Variants in SNTG1 observed in about 807,000 individuals in gnomAD.
The protein encoded by SNTG1 is gamma-1-syntrophin.
A neutral mutation model predicts 74.7 loss-of-function variants in SNTG1; 39 were observed. That is an observed-to-expected ratio of 0.52 (90% CI 0.40 to 0.68). The LOEUF is 0.68. Among genes scored for constraint, SNTG1 ranks in the 30% least tolerant of loss-of-function variants. The pLI is 0.00. For missense variants in SNTG1, 685 were observed against 609.5 expected, an observed-to-expected ratio of 1.12 and a Z score of -1.30; for synonymous variants, 254 against 217.1, an observed-to-expected ratio of 1.17 and a Z score of -1.49.
chr8:50,191,946 C>A (rs2083593561), intron 2 of SNTG1, among the ~76,000 whole-genome samples: 1 of 152,054 alleles, frequency 6.6e-6, no homozygotes, highest in African/African-American at 2.4e-5. Flanking sequence ...AGAAAAATAG[C>A]TGGGGCCTAA....
chr8:50,339,931 C>G (rs2091270606), intron 2 of SNTG1, among the ~76,000 whole-genome samples: 1 of 151,612 alleles, frequency 6.6e-6, no homozygotes. Flanking sequence ...TACAAGAAAT[C>G]CACTTTAAAT....
At chr8:50,017,594 A>G (rs1816442280) in intron 1 of SNTG1, among the ~76,000 whole-genome samples, 1 of 152,060 alleles carries the variant, frequency 6.6e-6, no homozygotes, top group South Asian at 2.1e-4. Context: ...ACAAGGCAAG[A>G]TTGAATCAAG....
rs1587774252 is a variant in SNTG1 at position 50,484,112 on chromosome 8, C to CTTTCTTTCTTTT, written c.364-18655_364-18654insTTTTCTTTCTTT. On this transcript the variant is annotated intron_variant, in intron 8 of 18. Coordinates refer to ENST00000642720, the MANE Select transcript of SNTG1 (RefSeq NM_018967.5). ...TCTCTCTTTCTTTCTCTCTTTCTTT[C>CTTTCTTTCTTTT]TTTCTTTCTTTCTTTCTTTCTTTCC... Among the ~76,000 whole-genome samples the CTTTCTTTCTTTT allele has an allele frequency of 2.8e-5, 3 of 107,256 alleles. No homozygotes were observed. The East Asian group carries it at 8.7e-4, about 31-fold the overall frequency. The allele number at this position is 107,256 out of a possible 152,430, so 70.4% of individuals were successfully genotyped here. A position where few individuals can be genotyped will look rare whatever the true frequency, so the allele number is the denominator to read the frequency against.
At chr8:50,064,497 A>AC (rs548333141) in intron 1 of SNTG1, among the ~76,000 whole-genome samples, 42 of 152,230 alleles carry the variant, frequency 2.8e-4, no homozygotes, top group African/African-American at 9.9e-4. Context: ...TTGCACTTCC[A>AC]CCACACCACA....
chr8:49,979,263 G>A (rs1164362389), intron 1 of SNTG1, among the ~76,000 whole-genome samples: 1 of 152,134 alleles, frequency 6.6e-6, no homozygotes, highest in Non-Finnish European at 1.5e-5. Context: ...TGTCCTCCTC[G>A]GGGACTGCAT....
At chr8:50,373,392 C>A (rs2092312005) in intron 2 of SNTG1, among the ~76,000 whole-genome samples, 1 of 152,124 alleles carries the variant, frequency 6.6e-6, no homozygotes, top group Non-Finnish European at 1.5e-5. Context: ...AGGATTTTTT[C>A]AAACAGCTCT....
chr8:50,707,171 CTAATT>C (rs1205769836), intron 16 of SNTG1, among the ~76,000 whole-genome samples: 1 of 151,882 alleles, frequency 6.6e-6, no homozygotes, highest in African/African-American at 2.4e-5. Context: ...TTGAGAAAAT[CTAATT>C]TAATTTGTAA....
chr8:50,239,762 C>T (rs2086085704), intron 2 of SNTG1, among the ~76,000 whole-genome samples: 1 of 152,136 alleles, frequency 6.6e-6, no homozygotes, highest in Non-Finnish European at 1.5e-5. Flanking sequence ...TTTGTTTGTT[C>T]CTTTAATTAT....
chr8:50,086,959 A>G (rs190105348), intron 1 of SNTG1, among the ~76,000 whole-genome samples: 1 of 152,182 alleles, frequency 6.6e-6, no homozygotes, highest in Admixed American at 6.6e-5. Context: ...CTTTTTGAAG[A>G]TCAGCATGTA....
intron 15 of SNTG1, among the ~76,000 whole-genome samples, chr8:50,703,276 AT>A (rs1007442998): frequency 2.0e-5 from 3 of 151,554 alleles, no homozygotes; most frequent in African/African-American, 7.3e-5. Context: ...TATTCTCTAC[AT>A]TTTTTTTCTA....
intron 2 of SNTG1, among the ~76,000 whole-genome samples, chr8:50,365,147 G>A (rs1191434161): frequency 6.6e-6 from 1 of 152,016 alleles, no homozygotes; most frequent in East Asian, 1.9e-4. Context: ...GCTTCTATAT[G>A]AGTAGTCAGA....
chr8:50,756,984 T>A (rs2095582188), intron 18 of SNTG1, among the ~76,000 whole-genome samples: 1 of 151,794 alleles, frequency 6.6e-6, no homozygotes. Flanking sequence ...ATGTATTTAA[T>A]TAGCTTTATA....
At chr8:50,212,722 A>G (rs998628735) in intron 2 of SNTG1, among the ~76,000 whole-genome samples, 5 of 152,192 alleles carry the variant, frequency 3.3e-5, no homozygotes, top group African/African-American at 1.2e-4. Flanking sequence ...ACTCTGTGGC[A>G]GAAAAATTCA....
At chr8:50,428,724 C>A (rs1334238990) in intron 4 of SNTG1, among the ~76,000 whole-genome samples, 1 of 152,080 alleles carries the variant, frequency 6.6e-6, no homozygotes, top group East Asian at 1.9e-4. Flanking sequence ...CAAGAAACCT[C>A]AGAAGTGCTG....
intron 15 of SNTG1, among the ~76,000 whole-genome samples, chr8:50,684,760 A>G (rs904755001): frequency 1.2e-4 from 11 of 88,950 alleles, no homozygotes; most frequent in Non-Finnish European, 2.6e-4. Context: ...ATTATACTTT[A>G]TCTTTTAGGG....
At position 49,992,050 on chromosome 8, in the gene SNTG1, C is replaced by T. The variant is rs151209381; in HGVS notation, c.-103+79819C>T. Among the ~76,000 whole-genome samples the T allele has an allele frequency of 4.8e-3, 736 of 152,270 alleles. 4 individuals carry two copies. The highest frequency in any genetic ancestry group is 0.015 in the African/African-American group (620 of 41,548). On this transcript the variant is annotated intron_variant, in intron 1 of 18. Coordinates refer to ENST00000642720, the MANE Select transcript of SNTG1 (RefSeq NM_018967.5). The stretch of plus-strand genomic sequence containing the variant: ...CTATCATTATACTGTACTGTTTCCA[C>T]GCCTCCCTTACAACATGTCTTCCTT...
intron 2 of SNTG1, among the ~76,000 whole-genome samples, chr8:50,297,137 A>G (rs1009130620): frequency 6.6e-6 from 1 of 152,192 alleles, no homozygotes; most frequent in Non-Finnish European, 1.5e-5. Context: ...GAAACATTTG[A>G]CCAATGAGTC....
At chr8:50,538,811 A>C (rs1185901088) in intron 11 of SNTG1, among the ~76,000 whole-genome samples, 1 of 152,080 alleles carries the variant, frequency 6.6e-6, no homozygotes, top group Non-Finnish European at 1.5e-5. Context: ...ATCTCTGTTG[A>C]TGCAAATATT....
At chr8:50,319,369 T>TAAAC (rs2090441985) in intron 2 of SNTG1, among the ~76,000 whole-genome samples, 1 of 151,802 alleles carries the variant, frequency 6.6e-6, no homozygotes, top group Non-Finnish European at 1.5e-5. Flanking sequence ...TTCTCAAAAA[T>TAAAC]AAATAAATAA....
Sources: allele counts gnomAD v4.1 joint callset (sites outside exome capture counted in the v4.1 genomes callset), GRCh38; gene constraint gnomAD v4.1.1; transcripts MANE v1.5; gene names NCBI Gene and HGNC (gene_info 2026-07-23, HGNC 2026-07-21).